The following TMPRSS9 variants were observed in gnomAD, a reference collection of about 807,000 sequenced individuals.
The protein encoded by TMPRSS9 is transmembrane protease serine 9.
In TMPRSS9, 113 loss-of-function variants were observed where a neutral mutation model predicts 111.4. That is an observed-to-expected ratio of 1.01 (90% CI 0.87 to 1.19). TMPRSS9 has a LOEUF of 1.19. TMPRSS9 is among the 50% of genes most tolerant of loss of function. The pLI is 0.00. For missense variants in TMPRSS9, 1,803 were observed against 1,513.1 expected (o/e 1.19, Z -3.18); for synonymous variants, 805 against 659.1 (o/e 1.22, Z -3.39).
exon 10 of TMPRSS9, chr19:2,413,812 C>T: frequency 6.2e-7 from 1 of 1,613,790 alleles, no homozygotes. Flanking sequence ...GGGGTCTATG[C>T]CCGAGTCACC....
chr19:2,390,657 A>G (rs895268255), intron 1 of TMPRSS9, among the ~76,000 whole-genome samples: 1 of 151,024 alleles, frequency 6.6e-6, no homozygotes, highest in Non-Finnish European at 1.5e-5. Context: ...GGAGTTTGAG[A>G]ACAGCCTAGG....
exon 18 of TMPRSS9, chr19:2,426,229 C>T (rs867645895): frequency 6.9e-6 from 7 of 1,015,056 alleles, no homozygotes; most frequent in Middle Eastern, 6.1e-4. Flanking sequence ...TGGTACCACC[C>T]TTTGTTCCAA....
intron 1 of TMPRSS9, among the ~76,000 whole-genome samples, chr19:2,382,579 CACAGATGCACAT>C (rs1056010541): frequency 2.8e-5 from 4 of 144,724 alleles, no homozygotes; most frequent in African/African-American, 1.1e-4. Context: ...CAGATGCACA[CACAGATGCACAT>C]GCACACACAC....
chr19:2,424,955 G>A, intron 15 of TMPRSS9, 47 bp from the exon 17 acceptor site: 1 of 1,409,810 alleles, frequency 7.1e-7, no homozygotes. Context: ...GGCGGGGGCC[G>A]GGGGCGTGGG....
intron 17 of TMPRSS9, 35 bp downstream of exon 18, chr19:2,425,528 G>A (rs765104835): frequency 1.3e-6 from 2 of 1,502,400 alleles, no homozygotes; most frequent in Non-Finnish European, 8.9e-7. Flanking sequence ...ACCAGGTCCC[G>A]CCCAGCCGCC....
chr19:2,425,309 C>T (rs1422425853), intron 16 of TMPRSS9, 42 bp downstream of exon 17: 6 of 1,229,474 alleles, frequency 4.9e-6, no homozygotes, highest in Non-Finnish European at 6.1e-6. Context: ...GCTCGGGGGG[C>T]GGCCGGACGC....
chr19:2,421,231 T>A (rs906834581), intron 13 of TMPRSS9, among the ~76,000 whole-genome samples: 1 of 151,926 alleles, frequency 6.6e-6, no homozygotes, highest in Non-Finnish European at 1.5e-5. Context: ...GCTTGGCAGC[T>A]AGTGGTCAGG....
chr19:2,424,380 C>G, intron 15 of TMPRSS9, 123 bp downstream of exon 16: 1 of 1,101,644 alleles, frequency 9.1e-7, no homozygotes. Context: ...ACCCCGGCTC[C>G]CACTGCCCCA....
chr19:2,409,032 TG>T (rs199547272), intron 8 of TMPRSS9, among the ~76,000 whole-genome samples: 3,444 of 101,088 alleles, frequency 0.034, 106 homozygotes, highest in African/African-American at 0.11. Context: ...ATAATAATAA[TG>T]ATGATGCAGA....
chr19:2,424,829 G>A (rs1456188382), intron 15 of TMPRSS9, among the ~76,000 whole-genome samples, 173 bp from the exon 17 acceptor site: 2 of 152,118 alleles, frequency 1.3e-5, no homozygotes, highest in African/African-American at 2.4e-5. Context: ...GCAGTTCCCG[G>A]TGCCGCCTCG....
intron 1 of TMPRSS9, among the ~76,000 whole-genome samples, chr19:2,380,685 T>G (rs2145261133): frequency 6.6e-6 from 1 of 151,578 alleles, no homozygotes; most frequent in East Asian, 1.9e-4. Context: ...TGCAGCCTCA[T>G]GAGATGCTGA....
At chr19:2,406,333 A>ATTTTAT (rs78934690) in intron 7 of TMPRSS9, among the ~76,000 whole-genome samples, 1 of 117,044 alleles carries the variant, frequency 8.5e-6, no homozygotes, top group African/African-American at 3.4e-5. Flanking sequence ...ATTTTATTTT[A>ATTTTAT]TTTTTTCTTT....
At chr19:2,398,798 G>T (rs776118346) in exon 3 of TMPRSS9, 4 of 1,460,780 alleles carry the variant, frequency 2.7e-6, no homozygotes, top group South Asian at 2.4e-5. Flanking sequence ...ATTGCAGTTT[G>T]TAAGTAGTTT....
chr19:2,379,628 T>TCTTTCTTC (rs1970367852), intron 1 of TMPRSS9, among the ~76,000 whole-genome samples: 1 of 139,354 alleles, frequency 7.2e-6, no homozygotes, highest in African/African-American at 2.9e-5. Flanking sequence ...TTTCTTTCTT[T>TCTTTCTTC]CTTTCTTTCT....
intron 1 of TMPRSS9, among the ~76,000 whole-genome samples, chr19:2,378,786 C>T (rs547060658): frequency 2.0e-5 from 3 of 152,280 alleles, no homozygotes; most frequent in Admixed American, 2.0e-4. Flanking sequence ...CACAGTTCAG[C>T]ATGGCTGGGG....
At position 2,368,774 on chromosome 19, in the gene TMPRSS9, G is replaced by GTTTTTTTTTTTTTTTTTTTT. The variant is rs762761358; in HGVS notation, c.-26+8422_-26+8441dup. ...TGCCAGGGCATCAAGGATAAACCCA[G>GTTTTTTTTTTTTTTTTTTTT]TTTTTTTTTTTTTTTTTTTTTTTTT... On this transcript the variant is annotated intron_variant, in intron 1 of 17. Coordinates refer to the TMPRSS9 transcript ENST00000649857. 6.1e-4 allele frequency among the ~76,000 whole-genome samples: 43 copies of GTTTTTTTTTTTTTTTTTTTT among 70,382 alleles called. 8 individuals carry two copies. Among genetic ancestry groups the GTTTTTTTTTTTTTTTTTTTT allele is most frequent in the South Asian group, 1.1e-3 (2 of 1,762 alleles). 46.2% of individuals were successfully genotyped at this position (70,382 alleles called of 152,430 possible).
At position 2,422,212 on chromosome 19, in the gene TMPRSS9, A is replaced by G. The variant is rs780924928; in HGVS notation, c.2513A>G (p.Asp838Gly). 8 of 1,524,784 alleles carry G rather than the reference A, an allele frequency of 5.2e-6. No homozygotes were observed. In the African/African-American group the frequency reaches 8.3e-5, roughly 16 times the overall value. The allele number at this position is 1,524,784 out of a possible 1,614,324, so 94.5% of individuals were successfully genotyped here. ...GCTAGGGGACAGACGCCATTTCCAG[A>G]CGCCCCGGAGGCCACCACACACACC... Residue 838 changes from aspartate (D) to glycine (G), a missense_variant, in exon 14 of 18, where the codon GAC (aspartate) becomes GGC (glycine). Coordinates refer to ENST00000648592, the Ensembl canonical transcript of TMPRSS9.
chr19:2,408,667 A>G, intron 8 of TMPRSS9, 37 bp downstream of exon 9: 1 of 1,588,118 alleles, frequency 6.3e-7, no homozygotes, highest in Non-Finnish European at 8.6e-7. Context: ...GAGCTCAGGC[A>G]GGCAGGCGGG....
intron 7 of TMPRSS9, among the ~76,000 whole-genome samples, chr19:2,407,609 T>TTTTCC: frequency 1.2e-5 from 1 of 86,166 alleles, no homozygotes; most frequent in Non-Finnish European, 2.2e-5. Flanking sequence ...TTTTCTTTTC[T>TTTTCC]TTTTTTTTTT....
Sources: gnomAD v4.1 joint callset for allele counts (sites outside exome capture counted in the v4.1 genomes callset) on GRCh38, gnomAD v4.1.1 for gene constraint, MANE v1.5 for transcripts, NCBI Gene and HGNC (gene_info 2026-07-23, HGNC 2026-07-21) for gene names.